The following BCAS3 variants were observed in gnomAD, a reference collection of about 807,000 sequenced individuals.
BCAS3 encodes BCAS4/BCAS3 fusion.
Under a neutral mutation model 116.1 loss-of-function variants are expected in BCAS3, and 53 were observed. That is an observed-to-expected ratio of 0.46 (90% CI 0.37 to 0.57). The LOEUF is 0.57. Among genes scored for constraint, BCAS3 ranks in the 20% least tolerant of loss-of-function variants. BCAS3 has a pLI of 0.00. For missense variants in BCAS3, 917 were observed against 1,165.4 expected, an observed-to-expected ratio of 0.79 and a Z score of 3.10; for synonymous variants, 391 against 408.2, an observed-to-expected ratio of 0.96 and a Z score of 0.51.
intron 22 of BCAS3, among the ~76,000 whole-genome samples, chr17:61,293,520 C>T (rs895741184): frequency 6.6e-6 from 1 of 152,118 alleles, no homozygotes; most frequent in Admixed American, 6.5e-5. Flanking sequence ...ACTATTAGGG[C>T]CCAGAGAAGT....
Position 61,056,033 on chromosome 17 carries a change from T to C in BCAS3, c.2029+15141T>C, listed in dbSNP as rs932842949. ...TTCTAGCCCTCTGTTCTGCCCAAACTGGTAGTAACCAGGCTGGAAAAGGAT... is the reference window on the plus strand; with the variant it reads ...TTCTAGCCCTCTGTTCTGCCCAAACCGGTAGTAACCAGGCTGGAAAAGGAT... On this transcript the variant is annotated intron_variant, in intron 19 of 23. Coordinates refer to ENST00000407086, the MANE Select transcript of BCAS3 (RefSeq NM_017679.5). The surrounding 1 kb of genome is among the most constrained non-coding windows in gnomAD (Gnocchi z 4.9). 7.9e-5 allele frequency among the ~76,000 whole-genome samples: 12 copies of C among 152,216 alleles called. No individual in the cohort carries two copies. Among genetic ancestry groups the C allele is most frequent in the African/African-American group, 2.7e-4 (11 of 41,470 alleles).
intron 22 of BCAS3, among the ~76,000 whole-genome samples, chr17:61,133,221 C>T (rs1374143049): frequency 2.6e-5 from 4 of 152,056 alleles, no homozygotes; most frequent in South Asian, 2.1e-4. Context: ...TTCTGATGAA[C>T]GTCTGAGATT....
At chr17:60,778,072 C>A (rs531137348) in intron 6 of BCAS3, among the ~76,000 whole-genome samples, 1 of 152,136 alleles carries the variant, frequency 6.6e-6, no homozygotes, top group East Asian at 1.9e-4. Context: ...TTTACATACT[C>A]TGGATACAAG....
At chr17:60,911,919 T>G (rs2145105221) in intron 12 of BCAS3, among the ~76,000 whole-genome samples, 1 of 152,336 alleles carries the variant, frequency 6.6e-6, no homozygotes, top group South Asian at 2.1e-4. Flanking sequence ...TGGCAGTAGC[T>G]TATTATAAAA....
chr17:60,800,621 TTA>T (rs1171762800), intron 6 of BCAS3, among the ~76,000 whole-genome samples: 1 of 152,174 alleles, frequency 6.6e-6, no homozygotes, highest in Non-Finnish European at 1.5e-5. Flanking sequence ...ATTTTAAAAA[TTA>T]TCTTATGGAT....
chr17:61,150,252 T>C (rs943425299), intron 22 of BCAS3, among the ~76,000 whole-genome samples: 2 of 152,208 alleles, frequency 1.3e-5, no homozygotes, highest in Non-Finnish European at 2.9e-5. Context: ...CTGCAATTAC[T>C]GGAGCTCTCA....
chr17:61,280,480 A>G (rs932676561), intron 22 of BCAS3, among the ~76,000 whole-genome samples: 1 of 152,164 alleles, frequency 6.6e-6, no homozygotes. Flanking sequence ...GAAAGTGTCT[A>G]ATTTGGAATC....
chr17:60,964,101 T>A lies in BCAS3; in HGVS notation c.1221+16749T>A, dbSNP rs2061544055. Among the ~76,000 whole-genome samples, 1 of 152,250 alleles carries A rather than the reference T, an allele frequency of 6.6e-6. No individual in the cohort carries two copies. Among genetic ancestry groups the A allele is most frequent in the African/African-American group, 2.4e-5 (1 of 41,466 alleles). ...GTAACCGTAGTGAGAGTGGACATAC[T>A]CGTCTTGTTCCAGTCTTTAGAGGAA... On this transcript the variant is annotated intron_variant, in intron 14 of 23. Transcript: ENST00000407086. The surrounding 1 kb of genome is among the most constrained non-coding windows in gnomAD (Gnocchi z 4.6).
intron 19 of BCAS3, among the ~76,000 whole-genome samples, chr17:61,074,411 G>A (rs1400848460): frequency 6.6e-6 from 1 of 152,086 alleles, no homozygotes; most frequent in Non-Finnish European, 1.5e-5. Context: ...CTATTTGAAT[G>A]AAAAAGTAGG....
intron 22 of BCAS3, among the ~76,000 whole-genome samples, chr17:61,277,796 C>G (rs913243639): frequency 6.6e-6 from 1 of 152,166 alleles, no homozygotes; most frequent in Non-Finnish European, 1.5e-5. Context: ...CAAGCAGATA[C>G]TACTTGGCAC....
intron 19 of BCAS3, among the ~76,000 whole-genome samples, chr17:61,064,158 T>C (rs2070364908): frequency 6.6e-6 from 1 of 152,176 alleles, no homozygotes; most frequent in South Asian, 2.1e-4. Context: ...AGGCTGGGTG[T>C]CATGGTATAC....
At position 60,868,558 on chromosome 17, in the gene BCAS3, T is replaced by C; in HGVS notation, c.477-18T>C. On this transcript the variant is annotated intron_variant, in intron 7 of 23. Coordinates refer to ENST00000407086, the MANE Select transcript of BCAS3 (RefSeq NM_017679.5). Reference sequence around the variant, plus strand: ...TTTTTTAAAAAAATGACATTTTTCTTTCTTTTTTCTTTTTTAGCACAAGCC... The same window carrying C: ...TTTTTTAAAAAAATGACATTTTTCTCTCTTTTTTCTTTTTTAGCACAAGCC... 1 of 1,482,722 alleles carries C rather than the reference T, an allele frequency of 6.7e-7. No homozygotes were observed. Among genetic ancestry groups the C allele is most frequent in the South Asian group, 1.3e-5 (1 of 76,062 alleles). The allele number at this position is 1,482,722 out of a possible 1,614,324, so 91.8% of individuals were successfully genotyped here. A position where few individuals can be genotyped will look rare whatever the true frequency, so the allele number is the denominator to read the frequency against.
rs2061164286 is a variant in BCAS3 at position 60,956,937 on chromosome 17, G to A, written c.1221+9585G>A. On this transcript the variant is annotated intron_variant, in intron 14 of 23. Coordinates refer to ENST00000407086, the MANE Select transcript of BCAS3 (RefSeq NM_017679.5). The surrounding 1 kb of genome is among the most constrained non-coding windows in gnomAD (Gnocchi z 4.2). ...TTTTCTGGATTCTTCCAAGAACTCT[G>A]ACGGTACTTTAATCAGGCAAGGAAA... 6.6e-6 allele frequency among the ~76,000 whole-genome samples: 1 copy of A among 152,122 alleles called. No homozygotes were observed. Among genetic ancestry groups the A allele is most frequent in the Non-Finnish European group, 1.5e-5 (1 of 68,018 alleles).
intron 5 of BCAS3, among the ~76,000 whole-genome samples, chr17:60,712,467 T>G (rs2038055163): frequency 6.6e-6 from 1 of 152,210 alleles, no homozygotes; most frequent in African/African-American, 2.4e-5. Flanking sequence ...ATATACATAT[T>G]ATCTCATCTA....
intron 22 of BCAS3, among the ~76,000 whole-genome samples, chr17:61,274,147 C>G (rs1426321626): frequency 1.3e-5 from 2 of 150,286 alleles, no homozygotes; most frequent in East Asian, 3.9e-4. Context: ...GTGTGATGTT[C>G]CCCTTCCTGT....
In BCAS3 at chr17:61,068,557, T is replaced by C. The variant is rs79992588; in HGVS notation, c.2030-6363T>C. 0.017 allele frequency among the ~76,000 whole-genome samples: 2,623 copies of C among 152,336 alleles called. 35 individuals are homozygous for C. The highest frequency in any genetic ancestry group is 0.046 in the South Asian group (221 of 4,828). The stretch of plus-strand genomic sequence containing the variant: ...CTTCTCCTCTAAGCTATGGAGAACA[T>C]GGTAAGGTTGTCACAGACCTGGCTG... On this transcript the variant is annotated intron_variant, in intron 19 of 23. Coordinates refer to ENST00000407086, the MANE Select transcript of BCAS3 (RefSeq NM_017679.5). This position sits in a 1 kb window ranked among gnomAD's most constrained non-coding sequence, Gnocchi z 4.3.
At position 61,388,255 on chromosome 17, in the gene BCAS3, C is replaced by T; in HGVS notation, c.2594-3722C>T. The T allele has an allele frequency of 4.6e-6, 1 of 219,260 alleles. No homozygotes were observed. Among genetic ancestry groups the T allele is most frequent in the Non-Finnish European group, 9.2e-6 (1 of 109,220 alleles). The allele number at this position is 219,260 out of a possible 1,614,324, so 13.6% of individuals were successfully genotyped here. On this transcript the variant is annotated intron_variant, in intron 23 of 23. Transcript: ENST00000407086. The surrounding 1 kb of genome is among the most constrained non-coding windows in gnomAD (Gnocchi z 6.5). The stretch of plus-strand genomic sequence containing the variant: ...AAACTGCAGTCTGTTTCCCTGTCCT[C>T]CTCCAGCAACCCACCTGCATGGGGT...
At chr17:60,832,433 T>TA (rs976135791) in intron 7 of BCAS3, among the ~76,000 whole-genome samples, 1 of 152,084 alleles carries the variant, frequency 6.6e-6, no homozygotes, top group South Asian at 2.1e-4. Flanking sequence ...TGACAGGATT[T>TA]AAAAAAAATT....
intron 22 of BCAS3, among the ~76,000 whole-genome samples, chr17:61,272,666 A>AAAAAAAC (rs2050402537): frequency 7.1e-6 from 1 of 141,756 alleles, no homozygotes; most frequent in East Asian, 2.0e-4. Flanking sequence ...AAAAAAAAAA[A>AAAAAAAC]AGCAATTTTG....
Sources: allele counts gnomAD v4.1 joint callset (sites outside exome capture counted in the v4.1 genomes callset), GRCh38; gene constraint gnomAD v4.1.1; non-coding constraint Gnocchi (gnomAD v3.1); transcripts MANE v1.5; gene names NCBI Gene and HGNC (gene_info 2026-07-23, HGNC 2026-07-21).